STAC: variants seen among roughly 807,000 people sequenced by gnomAD.
STAC encodes the protein SH3 and cysteine-rich domain-containing protein.
Under a neutral mutation model 48.8 loss-of-function variants are expected in STAC, and 43 were observed. That is an observed-to-expected ratio of 0.88 (90% CI 0.69 to 1.14). The LOEUF is 1.14. STAC is among the 50% of genes most tolerant of loss of function. The probability of loss-of-function intolerance (pLI) is 0.00; values close to 1 mark genes in which losing one functional copy is unlikely to be tolerated. For synonymous variants in STAC, 193 were observed against 179.5 expected (o/e 1.07, Z -0.60); for missense variants, 497 against 504.0 (o/e 0.99, Z 0.13).
chr3:36,480,716 T>A (rs934177213), intron 2 of STAC, among the ~76,000 whole-genome samples: 1 of 152,228 alleles, frequency 6.6e-6, no homozygotes, highest in Non-Finnish European at 1.5e-5. Flanking sequence ...AAATAGATCT[T>A]CAAGTTCCCC....
intron 1 of STAC, among the ~76,000 whole-genome samples, chr3:36,419,776 C>T (rs1241840294): frequency 3.3e-5 from 5 of 152,198 alleles, no homozygotes; most frequent in African/African-American, 1.2e-4. Flanking sequence ...AAAACAACCT[C>T]ATCCTGTGCT....
chr3:36,430,903 A>G (rs1700684750), intron 1 of STAC, among the ~76,000 whole-genome samples: 1 of 152,130 alleles, frequency 6.6e-6, no homozygotes, highest in South Asian at 2.1e-4. Flanking sequence ...CATCATTTTA[A>G]ACTACCTCTG....
intron 1 of STAC, among the ~76,000 whole-genome samples, chr3:36,399,867 A>G (rs1296551653): frequency 6.6e-6 from 1 of 152,238 alleles, no homozygotes; most frequent in African/African-American, 2.4e-5. Context: ...CTCAAGGTTA[A>G]GCCAGCTTTG....
chr3:36,461,258 C>T (rs1230212784), intron 2 of STAC, among the ~76,000 whole-genome samples: 1 of 152,100 alleles, frequency 6.6e-6, no homozygotes, highest in Non-Finnish European at 1.5e-5. Flanking sequence ...AATTGGCATC[C>T]CTTCAAGAAA....
rs147796621 is a variant in STAC at position 36,414,563 on chromosome 3, G to T, written c.112-28801G>T. Among the ~76,000 whole-genome samples, 616 of 152,208 alleles carry T rather than the reference G, an allele frequency of 4.0e-3. 5 individuals are homozygous for T. The highest frequency in any genetic ancestry group is 0.013 in the African/African-American group (542 of 41,536). ...GGACTCCTCTGCATTGGTTATTCTA[G>T]TTAGCCATTCATCTAATCTTTTTTC... is the stretch of plus-strand genomic sequence containing the variant. On this transcript the variant is annotated intron_variant, in intron 1 of 10. Coordinates refer to ENST00000273183, the MANE Select transcript of STAC (RefSeq NM_003149.3).
At chr3:36,517,815 T>C (rs1380833630) in intron 8 of STAC, among the ~76,000 whole-genome samples, 1 of 152,120 alleles carries the variant, frequency 6.6e-6, no homozygotes, top group Non-Finnish European at 1.5e-5. Flanking sequence ...TGTACATGTG[T>C]GTGATACACT....
At position 36,505,391 on chromosome 3, in the gene STAC, A is replaced by G. The variant is rs570600262; in HGVS notation, c.832-355A>G. On this transcript the variant is annotated intron_variant, in intron 7 of 10. Transcript: ENST00000273183. The stretch of plus-strand genomic sequence containing the variant: ...TAGGAAGTGAGAGTTATACACTACT[A>G]TTCATGTGTCCCTCTTTCTTTAGAA... 3.3e-5 allele frequency among the ~76,000 whole-genome samples: 5 copies of G among 152,268 alleles called. No homozygotes were observed. The South Asian group carries it at 1.0e-3, about 32-fold the overall frequency.
chr3:36,420,703 C>T (rs149509457), intron 1 of STAC, among the ~76,000 whole-genome samples: 3 of 152,208 alleles, frequency 2.0e-5, no homozygotes, highest in African/African-American at 7.2e-5. Context: ...GAAACTGGTC[C>T]CTGGTGCCAA....
chr3:36,508,451 C>G (rs1698457405), intron 8 of STAC, among the ~76,000 whole-genome samples: 1 of 152,134 alleles, frequency 6.6e-6, no homozygotes, highest in Admixed American at 6.6e-5. Context: ...TGGTCCAGAG[C>G]TGAGTTCAAG....
intron 8 of STAC, among the ~76,000 whole-genome samples, chr3:36,520,283 G>C (rs966809028): frequency 6.6e-6 from 1 of 152,150 alleles, no homozygotes; most frequent in African/African-American, 2.4e-5. Flanking sequence ...CCTAGACCTA[G>C]AGAGTCAAAT....
chr3:36,452,703 A>C (rs969444669), intron 2 of STAC, among the ~76,000 whole-genome samples: 1 of 152,262 alleles, frequency 6.6e-6, no homozygotes, highest in African/African-American at 2.4e-5. Flanking sequence ...ACATGGACTA[A>C]GCACCAACTG....
chr3:36,460,607 A>T (rs1193282608), intron 2 of STAC, among the ~76,000 whole-genome samples: 3 of 152,230 alleles, frequency 2.0e-5, no homozygotes, highest in Non-Finnish European at 2.9e-5. Context: ...GAGGCCAGGG[A>T]TGCTGCTAAC....
At chr3:36,499,359 G>A (rs910237925) in intron 6 of STAC, among the ~76,000 whole-genome samples, 1 of 152,154 alleles carries the variant, frequency 6.6e-6, no homozygotes, top group Non-Finnish European at 1.5e-5. Context: ...CAGAGATTAT[G>A]TATTGCTTGG....
At chr3:36,417,791 A>G (rs1185081448) in intron 1 of STAC, among the ~76,000 whole-genome samples, 1 of 152,200 alleles carries the variant, frequency 6.6e-6, no homozygotes, top group Non-Finnish European at 1.5e-5. Flanking sequence ...GTTCCTTAAC[A>G]TTTTGGAGAA....
intron 2 of STAC, among the ~76,000 whole-genome samples, chr3:36,470,933 AT>A (rs1434920674): frequency 2.2e-4 from 33 of 152,252 alleles, no homozygotes; most frequent in African/African-American, 7.7e-4. Flanking sequence ...GTGAACTTTT[AT>A]AAAGCAAGGA....
At chr3:36,537,834 T>C (rs1034250439) in intron 10 of STAC, among the ~76,000 whole-genome samples, 1 of 152,092 alleles carries the variant, frequency 6.6e-6, no homozygotes, top group Non-Finnish European at 1.5e-5. Context: ...TATTTTACTC[T>C]AGTTGACCAA....
chr3:36,530,774 T>G (rs969471844), intron 10 of STAC, among the ~76,000 whole-genome samples: 3 of 151,972 alleles, frequency 2.0e-5, no homozygotes, highest in Admixed American at 6.6e-5. Flanking sequence ...TTTTTTATAT[T>G]TTTAGTACAG....
chr3:36,477,643 C>T (rs945407004), intron 2 of STAC, among the ~76,000 whole-genome samples: 1 of 152,136 alleles, frequency 6.6e-6, no homozygotes, highest in Admixed American at 6.5e-5. Context: ...GTAAATGATA[C>T]CACGCTCATA....
chr3:36,414,488 G>A (rs1406771627), intron 1 of STAC, among the ~76,000 whole-genome samples: 1 of 152,154 alleles, frequency 6.6e-6, no homozygotes, highest in African/African-American at 2.4e-5. Context: ...GCTTGTGCAT[G>A]CATCACGTAG....
Sources: allele counts gnomAD v4.1 joint callset (sites outside exome capture counted in the v4.1 genomes callset), GRCh38; gene constraint gnomAD v4.1.1; transcripts MANE v1.5; gene names NCBI Gene and HGNC (gene_info 2026-07-23, HGNC 2026-07-21).